MAN1B1: variants seen among roughly 807,000 people sequenced by gnomAD.
MAN1B1 encodes the protein endoplasmic reticulum mannosyl-oligosaccharide 1,2-alpha-mannosidase.
A neutral mutation model predicts 75.5 loss-of-function variants in MAN1B1; 66 were observed. The observed-to-expected ratio is 0.87, with a 90% CI of 0.72 to 1.07. The LOEUF (loss-of-function observed/expected upper bound fraction) is 1.07, where lower values mean the gene tolerates loss of function less well. MAN1B1 is among the 50% of genes least tolerant of loss of function. The pLI, the probability that MAN1B1 is intolerant of heterozygous loss-of-function variation, is 0.00. For synonymous variants in MAN1B1, 453 were observed against 382.8 expected, an observed-to-expected ratio of 1.18 and a Z score of -2.14; for missense variants, 973 against 912.5, an observed-to-expected ratio of 1.07 and a Z score of -0.85.
rs899370905 is a variant in MAN1B1, at chr9:137,097,995, G to T, written c.730+58G>T. ...GCGCTCAGGGGCTGGTGGCTGATGG[G>T]TGCAGGCTTCGTCTCAGCCATGGTG... is the stretch of plus-strand genomic sequence containing the variant. On this transcript the variant is annotated intron_variant, in intron 5 of 12. Coordinates refer to ENST00000371589, the MANE Select transcript of MAN1B1 (RefSeq NM_016219.5). The T allele has an allele frequency of 3.7e-6, 5 of 1,348,800 alleles. No homozygotes were observed. In the South Asian group the frequency reaches 6.3e-5, roughly 17 times the overall value. The allele number at this position is 1,348,800 out of a possible 1,614,324, so 83.6% of individuals were successfully genotyped here.
At chr9:137,104,325 C>T (rs1208363371) in intron 8 of MAN1B1, 2 of 317,916 alleles carry the variant, frequency 6.3e-6, no homozygotes, top group Non-Finnish European at 1.2e-5. Context: ...AACCTCCACT[C>T]CCAGGTTCAA....
At chr9:137,088,770 T>C in intron 2 of MAN1B1, 99 bp from the exon 3 acceptor site, 1 of 1,278,036 alleles carries the variant, frequency 7.8e-7, no homozygotes, top group Non-Finnish European at 1.1e-6. Flanking sequence ...ATAATGTTGA[T>C]TTGTAATGGA....
At position 137,106,146 on chromosome 9, in the gene MAN1B1, C is replaced by G. The variant is rs755824901; in HGVS notation, c.1276C>G (p.Gln426Glu). ...GCAGGAGGCAGTGGAGAAGGTGACA[C>G]AGCACATCCACGGCCTGTCTGGGAA... ...KFQEAVEKVT[Q>E]HIHGLSGKKD... is the part of the protein sequence containing the mutation. The change falls in exon 9 of 13, where the codon CAG becomes GAG. Residue 426 changes from glutamine to glutamate, a missense_variant. Physicochemically the swap from Gln to Glu is conservative, Grantham distance 29 (BLOSUM62 2). Transcript: ENST00000371589. 3.1e-6 allele frequency: 5 copies of G among 1,613,032 alleles called. No individual in the cohort carries two copies. Among genetic ancestry groups the G allele is most frequent in the Non-Finnish European group, 4.2e-6 (5 of 1,179,928 alleles).
chr9:137,109,077 G>T lies in MAN1B1; in HGVS notation c.*486G>T, dbSNP rs963019615. 2.2e-6 allele frequency: 1 copy of T among 455,974 alleles called. No homozygotes were observed. The highest frequency in any genetic ancestry group is 2.0e-5 in the African/African-American group (1 of 50,050). The allele number at this position is 455,974 out of a possible 1,614,324, so 28.2% of individuals were successfully genotyped here. A position where few individuals can be genotyped will look rare whatever the true frequency, so the allele number is the denominator to read the frequency against. ...CAAGCTGGACTCAGGGATCCTCCTG[G>T]CCGCCCCGCAGGGGGCTTGGAGGGC... On this transcript the variant is annotated 3_prime_UTR_variant, in exon 13 of 13. Transcript: ENST00000371589.
chr9:137,102,569 C>T, intron 8 of MAN1B1: 1 of 421,562 alleles, frequency 2.4e-6, no homozygotes, highest in Non-Finnish European at 4.7e-6. Flanking sequence ...CACGCTGTTG[C>T]AGATGTGCAG....
chr9:137,093,566 C>T (rs1027287284), intron 3 of MAN1B1, among the ~76,000 whole-genome samples: 3 of 152,210 alleles, frequency 2.0e-5, no homozygotes, highest in Non-Finnish European at 2.9e-5. Flanking sequence ...AGCAGTGGCT[C>T]ACGCCTGTAA....
intron 2 of MAN1B1, 199 bp from the exon 3 acceptor site, chr9:137,088,670 A>G (rs1830443845): frequency 1.4e-6 from 1 of 732,834 alleles, no homozygotes; most frequent in African/African-American, 1.8e-5. Context: ...GTTCTGTGTT[A>G]TGGACAAGGA....
intron 12 of MAN1B1, chr9:137,108,035 C>T (rs565151787): frequency 5.9e-5 from 36 of 612,418 alleles, no homozygotes; most frequent in Middle Eastern, 8.1e-4. Context: ...ACGCCCTCCA[C>T]GCCAGAGTGT....
chr9:137,100,079 C>A, intron 6 of MAN1B1, among the ~76,000 whole-genome samples, 198 bp downstream of exon 6: 1 of 152,212 alleles, frequency 6.6e-6, no homozygotes, highest in East Asian at 1.9e-4. Context: ...CACACAGGGC[C>A]GCTGTCCCCA....
At chr9:137,107,215 T>C (rs917885371) in intron 10 of MAN1B1, 35 bp from the exon 11 acceptor site, 1 of 1,606,140 alleles carries the variant, frequency 6.2e-7, no homozygotes, top group African/African-American at 1.3e-5. Flanking sequence ...GGGCAGGGCC[T>C]GGGATCTGGG....
chr9:137,104,830 GGTGTT>G (rs894718649), intron 8 of MAN1B1: 10 of 150,960 alleles, frequency 6.6e-5, no homozygotes, highest in African/African-American at 2.2e-4. Context: ...CTGTGTTTTG[GGTGTT>G]GTGAGTGTGG....
Position 137,088,055 on chromosome 9 carries a change from A to C in MAN1B1, c.220-20A>C, listed in dbSNP as rs116149955. ...TGTGATATATTCAGTAAGAAATGTCATTCTCTGTACCTCCCTTAGAAATGG... is the reference window on the plus strand; with the variant it reads ...TGTGATATATTCAGTAAGAAATGTCCTTCTCTGTACCTCCCTTAGAAATGG... On this transcript the variant is annotated intron_variant, in intron 1 of 12. Transcript: ENST00000371589. The C allele has an allele frequency of 5.8e-4, 914 of 1,580,174 alleles. 3 individuals are homozygous for C. In the African/African-American group the frequency reaches 0.011, roughly 20 times the overall value.
Position 137,106,108 on chromosome 9 carries a change from C to G in MAN1B1, c.1255-17C>G. 1 of 1,609,158 alleles carries G rather than the reference C, an allele frequency of 6.2e-7. No homozygotes were observed. The highest frequency in any genetic ancestry group is 8.5e-7 in the Non-Finnish European group (1 of 1,176,862). ...CGGCCCTGGCCAGTAAACCCACCAT[C>G]CCCCTTTCTGCCGCAGGAGGCAGTG... On this transcript the variant is annotated splice_polypyrimidine_tract_variant and intron_variant, in intron 8 of 12. Coordinates refer to ENST00000371589, the MANE Select transcript of MAN1B1 (RefSeq NM_016219.5).
intron 3 of MAN1B1, among the ~76,000 whole-genome samples, chr9:137,095,724 G>A (rs1054627096): frequency 1.3e-5 from 2 of 152,184 alleles, no homozygotes; most frequent in Admixed American, 6.5e-5. Context: ...AGCAGAGGAC[G>A]GGGCTCTGTG....
Position 137,093,695 on chromosome 9 carries a change from G to A in MAN1B1, c.466-2542G>A, listed in dbSNP as rs150992794. ...AATACAAAAACAAAATTAGCCGGGC[G>A]TGGTGGCAGGCACCTATAGTCCCAG... On this transcript the variant is annotated intron_variant, in intron 3 of 12. Transcript: ENST00000371589. Among the ~76,000 whole-genome samples, 1,358 of 152,004 alleles carry A rather than the reference G, an allele frequency of 8.9e-3. 12 individuals are homozygous for A. The highest frequency in any genetic ancestry group is 0.023 in the African/African-American group (958 of 41,488).
chr9:137,088,555 A>G (rs1270583157), intron 2 of MAN1B1: 6 of 904,218 alleles, frequency 6.6e-6, no homozygotes, highest in Non-Finnish European at 1.0e-5. Context: ...ATCTCTTCTC[A>G]CTTGGTCTAA....
At chr9:137,095,611 T>C (rs1304211221) in intron 3 of MAN1B1, among the ~76,000 whole-genome samples, 1 of 152,106 alleles carries the variant, frequency 6.6e-6, no homozygotes, top group African/African-American at 2.4e-5. Context: ...ACTGAGGCCA[T>C]AGGAGAGAAT....
intron 3 of MAN1B1, among the ~76,000 whole-genome samples, chr9:137,091,015 G>A (rs1031919704): frequency 2.6e-5 from 4 of 152,216 alleles, no homozygotes; most frequent in Admixed American, 2.6e-4. Flanking sequence ...GGTGTAGGGT[G>A]GGAATTGGCC....
Position 137,101,678 on chromosome 9 carries a change from G to C in MAN1B1, c.1254+6G>C, listed in dbSNP as rs1238823416. On this transcript the variant is annotated splice_donor_region_variant and intron_variant, in intron 8 of 12. Transcript: ENST00000371589. ...CAGGGGATAAGAAGTTTCAGGTAAG[G>C]GGGCAGGCTTTCTGGCTGGATGCGC... is the stretch of plus-strand genomic sequence containing the variant. 2.5e-6 allele frequency: 4 copies of C among 1,611,152 alleles called. No homozygotes were observed. Among genetic ancestry groups the C allele is most frequent in the South Asian group, 2.2e-5 (2 of 90,898 alleles).
Sources: gnomAD v4.1 joint callset for allele counts (sites outside exome capture counted in the v4.1 genomes callset) on GRCh38, gnomAD v4.1.1 for gene constraint, MANE v1.5 for transcripts, NCBI Gene and HGNC (gene_info 2026-07-23, HGNC 2026-07-21) for gene names.